The following DNAH14 variants were observed in gnomAD, a reference collection of about 807,000 sequenced individuals.
DNAH14 encodes axonemal beta dynein heavy chain 14.
DNAH14 carries 478 observed loss-of-function variants against 520.9 expected under a neutral mutation model. That is an observed-to-expected ratio of 0.92 (90% CI 0.85 to 0.99). The LOEUF is 0.99. DNAH14 is among the 50% of genes least tolerant of loss of function. The pLI is 0.00. For missense variants in DNAH14, 4,831 were observed against 5,234.5 expected, an observed-to-expected ratio of 0.92 and a Z score of 2.38; for synonymous variants, 1,581 against 1,757.2, an observed-to-expected ratio of 0.90 and a Z score of 2.51.
At chr1:225,260,351 CAAAA>C (rs1252770479) in intron 46 of DNAH14, among the ~76,000 whole-genome samples, 1 of 104,570 alleles carries the variant, frequency 9.6e-6, no homozygotes, top group African/African-American at 3.5e-5. Flanking sequence ...GACTCCATCT[CAAAA>C]AAAAAAAAAA....
At chr1:225,340,032 T>C (rs1266778078) in intron 68 of DNAH14, among the ~76,000 whole-genome samples, 2 of 147,288 alleles carry the variant, frequency 1.4e-5, no homozygotes, top group Admixed American at 1.4e-4. Flanking sequence ...TTAATCCATG[T>C]AGCTTTACTT....
intron 73 of DNAH14, chr1:225,357,902 G>A (rs1398980486): frequency 2.9e-6 from 2 of 697,952 alleles, no homozygotes; most frequent in African/African-American, 1.8e-5. Flanking sequence ...GTTTTTATGG[G>A]AAAGGTCTTT....
At chr1:225,042,702 AT>A in intron 12 of DNAH14, 132 bp from the exon 13 acceptor site, 2 of 919,688 alleles carry the variant, frequency 2.2e-6, no homozygotes, top group African/African-American at 3.4e-5. Context: ...AGTGTCAGGT[AT>A]TTGGTAATAC....
chr1:225,014,629 T>A (rs1243311531), intron 10 of DNAH14, among the ~76,000 whole-genome samples: 1 of 152,210 alleles, frequency 6.6e-6, no homozygotes, highest in Non-Finnish European at 1.5e-5. Flanking sequence ...CTCTTGTTAT[T>A]GATGTCTAGC....
chr1:225,000,691 C>T (rs1484850506), intron 8 of DNAH14, among the ~76,000 whole-genome samples: 1 of 151,772 alleles, frequency 6.6e-6, no homozygotes, highest in Admixed American at 6.6e-5. Flanking sequence ...ATTCACTTCC[C>T]TCATTTTTTT....
At chr1:225,276,569 T>C (rs1237832049) in intron 53 of DNAH14, among the ~76,000 whole-genome samples, 1 of 152,104 alleles carries the variant, frequency 6.6e-6, no homozygotes, top group Non-Finnish European at 1.5e-5. Flanking sequence ...CTCTTTCTCC[T>C]ACCACTTATC....
chr1:225,342,093 T>C (rs943162770), intron 69 of DNAH14, among the ~76,000 whole-genome samples: 1 of 152,226 alleles, frequency 6.6e-6, no homozygotes, highest in Non-Finnish European at 1.5e-5. Context: ...TCTGATTACA[T>C]ATTATTTGTC....
intron 7 of DNAH14, chr1:224,969,576 T>G (rs2061383512): frequency 9.4e-6 from 2 of 213,118 alleles, no homozygotes; most frequent in East Asian, 2.1e-4. Context: ...TCCTCATCAT[T>G]TTCACATTGA....
At chr1:225,214,015 G>C (rs1046642504) in intron 41 of DNAH14, among the ~76,000 whole-genome samples, 9 of 152,096 alleles carry the variant, frequency 5.9e-5, no homozygotes, top group African/African-American at 2.2e-4. Flanking sequence ...TCCAGTTTTT[G>C]CCCATTGAGT....
chr1:224,954,528 A>T (rs2060385539), intron 2 of DNAH14: 1 of 153,136 alleles, frequency 6.5e-6, no homozygotes, highest in Non-Finnish European at 1.5e-5. Flanking sequence ...GCAACATATG[A>T]GTATGAAATT....
chr1:225,192,391 A>G (rs2085564532), intron 37 of DNAH14, among the ~76,000 whole-genome samples: 1 of 152,040 alleles, frequency 6.6e-6, no homozygotes. Flanking sequence ...TCTATACTCA[A>G]CCCTGTCCCC....
At chr1:224,988,257 T>C (rs1056674401) in intron 8 of DNAH14, among the ~76,000 whole-genome samples, 3 of 152,208 alleles carry the variant, frequency 2.0e-5, no homozygotes, top group Non-Finnish European at 4.4e-5. Flanking sequence ...CTGCATAGTA[T>C]TCCGTGGTGT....
intron 17 of DNAH14, among the ~76,000 whole-genome samples, chr1:225,058,467 T>C (rs1258651208): frequency 1.3e-5 from 2 of 152,166 alleles, no homozygotes; most frequent in Non-Finnish European, 2.9e-5. Flanking sequence ...TTTGTTGATC[T>C]TTTCAAAAAA....
At chr1:225,270,618 A>G (rs2093287351) in intron 49 of DNAH14, 117 bp from the exon 50 acceptor site, 1 of 858,946 alleles carries the variant, frequency 1.2e-6, no homozygotes, top group Admixed American at 3.6e-5. Flanking sequence ...AATAGTAATT[A>G]AATCTTTTTG....
chr1:225,214,580 T>A (rs1178795820), intron 41 of DNAH14, among the ~76,000 whole-genome samples: 2 of 152,196 alleles, frequency 1.3e-5, no homozygotes, highest in Admixed American at 6.5e-5. Flanking sequence ...TGCCTCAATT[T>A]CAGAGTCTGT....
chr1:225,203,793 A>G (rs1275198079), intron 38 of DNAH14, among the ~76,000 whole-genome samples: 2 of 152,186 alleles, frequency 1.3e-5, no homozygotes, highest in Non-Finnish European at 2.9e-5. Flanking sequence ...AGGTAATTCT[A>G]TGTATTCTAA....
chr1:224,987,120 GAGAC>G, intron 8 of DNAH14, among the ~76,000 whole-genome samples: 1 of 29,934 alleles, frequency 3.3e-5, no homozygotes, highest in South Asian at 1.9e-3. Context: ...GAGAGAGAAA[GAGAC>G]AGAGACAGAG....
intron 10 of DNAH14, among the ~76,000 whole-genome samples, chr1:225,019,792 TA>T (rs1224200657): frequency 6.6e-6 from 1 of 152,048 alleles, no homozygotes; most frequent in Non-Finnish European, 1.5e-5. Context: ...GGCAGAAATT[TA>T]AAAAAATTAT....
intron 52 of DNAH14, among the ~76,000 whole-genome samples, chr1:225,273,778 C>G (rs1400062770): frequency 6.6e-6 from 1 of 152,154 alleles, no homozygotes; most frequent in Non-Finnish European, 1.5e-5. Flanking sequence ...ATCTAGGTCA[C>G]AAAGGAAAGT....
Sources: gnomAD v4.1 joint callset for allele counts (sites outside exome capture counted in the v4.1 genomes callset) on GRCh38, gnomAD v4.1.1 for gene constraint, MANE v1.5 for transcripts, NCBI Gene and HGNC (gene_info 2026-07-23, HGNC 2026-07-21) for gene names.